ROBO1: variants seen among roughly 807,000 people sequenced by gnomAD.
ROBO1 encodes the protein roundabout homolog 1.
Under a neutral mutation model 195.9 loss-of-function variants are expected in ROBO1, and 149 were observed. The observed-to-expected ratio is 0.76, with a 90% CI of 0.67 to 0.87. The LOEUF (loss-of-function observed/expected upper bound fraction) is 0.87, where lower values mean the gene tolerates loss of function less well. Ranked by LOEUF, ROBO1 falls within the 40% of genes least tolerant of loss-of-function variation. The pLI, the probability that ROBO1 is intolerant of heterozygous loss-of-function variation, is 0.00. For missense variants in ROBO1, 1,933 were observed against 2,068.3 expected, an observed-to-expected ratio of 0.93 and a Z score of 1.27; for synonymous variants, 816 against 733.2, an observed-to-expected ratio of 1.11 and a Z score of -1.82.
chr3:79,234,980 T>C (rs1222269017), intron 2 of ROBO1, among the ~76,000 whole-genome samples: 1 of 152,080 alleles, frequency 6.6e-6, no homozygotes, highest in African/African-American at 2.4e-5. Context: ...AAAATAAAAT[T>C]TGAAATTATT....
intron 2 of ROBO1, among the ~76,000 whole-genome samples, chr3:79,190,635 C>G (rs893838706): frequency 6.6e-6 from 1 of 151,502 alleles, no homozygotes; most frequent in African/African-American, 2.4e-5. Flanking sequence ...TTTCTCTTTC[C>G]TCCCCTGAAG....
intron 4 of ROBO1, among the ~76,000 whole-genome samples, chr3:78,908,787 A>C (rs1050184399): frequency 6.6e-6 from 1 of 151,866 alleles, no homozygotes; most frequent in Non-Finnish European, 1.5e-5. Flanking sequence ...ATTAATCTGT[A>C]CTCTGGAGAT....
intron 2 of ROBO1, among the ~76,000 whole-genome samples, chr3:79,168,758 A>G (rs1271806978): frequency 6.6e-6 from 1 of 152,190 alleles, no homozygotes; most frequent in Non-Finnish European, 1.5e-5. Context: ...CTTAAAATAC[A>G]GGAGTAGATA....
At chr3:78,778,343 C>A (rs759367589) in intron 4 of ROBO1, among the ~76,000 whole-genome samples, 1 of 150,490 alleles carries the variant, frequency 6.6e-6, no homozygotes, top group Non-Finnish European at 1.5e-5. Context: ...ATGATGCTAG[C>A]CTCATAAAAT....
chr3:79,372,870 C>A (rs1428039514), intron 2 of ROBO1, among the ~76,000 whole-genome samples: 1 of 151,666 alleles, frequency 6.6e-6, no homozygotes, highest in Non-Finnish European at 1.5e-5. Flanking sequence ...GGTATATTAG[C>A]ATGTTGTAAA....
chr3:79,501,843 A>C (rs1379640874), intron 2 of ROBO1, among the ~76,000 whole-genome samples: 1 of 152,226 alleles, frequency 6.6e-6, no homozygotes, highest in African/African-American at 2.4e-5. Flanking sequence ...CCACTTATGA[A>C]TAACGGCCAG....
At chr3:79,712,631 G>GCGA (rs1702319964) in intron 1 of ROBO1, among the ~76,000 whole-genome samples, 1 of 152,132 alleles carries the variant, frequency 6.6e-6, no homozygotes, top group Non-Finnish European at 1.5e-5. Flanking sequence ...GATCACTGAT[G>GCGA]CAGGTGCTAC....
intron 1 of ROBO1, among the ~76,000 whole-genome samples, chr3:79,703,153 A>G (rs188082424): frequency 6.6e-6 from 1 of 151,954 alleles, no homozygotes; most frequent in African/African-American, 2.4e-5. Flanking sequence ...TAGCATATGA[A>G]AATGTCTCAA....
At chr3:79,361,383 T>C (rs1162421905) in intron 2 of ROBO1, among the ~76,000 whole-genome samples, 4 of 151,990 alleles carry the variant, frequency 2.6e-5, no homozygotes, top group Non-Finnish European at 5.9e-5. Flanking sequence ...TTGTCATAGG[T>C]AGCAAAAGGA....
At position 79,474,505 on chromosome 3, in the gene ROBO1, A is replaced by T. The variant is rs139361167; in HGVS notation, c.88+115319T>A. 1.4e-3 allele frequency among the ~76,000 whole-genome samples: 206 copies of T among 152,236 alleles called. 1 individual carries two copies. The Middle Eastern group carries it at 0.017, about 13-fold the overall frequency. ...TAGGTGAGGGTTGAATGGAAACATA[A>T]ATGCAAATTTCTCAAAAGAGTACAT... On this transcript the variant is annotated intron_variant, in intron 2 of 30. Transcript: ENST00000464233.
chr3:79,279,629 C>A (rs1387531103), intron 2 of ROBO1, among the ~76,000 whole-genome samples: 1 of 152,136 alleles, frequency 6.6e-6, no homozygotes, highest in Non-Finnish European at 1.5e-5. Flanking sequence ...GAAAGGAAAT[C>A]ATTCTACTGA....
intron 4 of ROBO1, among the ~76,000 whole-genome samples, chr3:78,788,914 G>T (rs551087359): frequency 6.6e-6 from 1 of 152,194 alleles, no homozygotes; most frequent in East Asian, 1.9e-4. Context: ...CACTAAACAA[G>T]TTGGATGATA....
In ROBO1 at chr3:78,714,573, A is replaced by G. The variant is rs752662082; in HGVS notation, c.918-49T>C. 9.0e-6 allele frequency: 14 copies of G among 1,555,222 alleles called. No individual in the cohort carries two copies. The South Asian group carries it at 1.6e-4, about 17-fold the overall frequency. On this transcript the variant is annotated intron_variant, in intron 7 of 30. Transcript: ENST00000464233. ...ACAGTTAAGTGACTTTCTACTTGAA[A>G]GATCTCATTATTATACACACAATGC...
In ROBO1 at chr3:79,716,628, T is replaced by C. The variant is rs1300543990; in HGVS notation, c.-51+51124A>G. 2.6e-5 allele frequency among the ~76,000 whole-genome samples: 4 copies of C among 151,960 alleles called. No individual in the cohort carries two copies. The East Asian group carries it at 7.7e-4, about 29-fold the overall frequency. On this transcript the variant is annotated intron_variant, in intron 1 of 30. Coordinates refer to ENST00000464233, the MANE Select transcript of ROBO1 (RefSeq NM_002941.4). The stretch of plus-strand genomic sequence containing the variant: ...AGAAAAAAAATAATCATTCTGACAA[T>C]GGAAAATGTGAAGATGTAGCAAATA...
intron 2 of ROBO1, among the ~76,000 whole-genome samples, chr3:79,205,800 T>A (rs1001529255): frequency 6.6e-5 from 10 of 152,130 alleles, no homozygotes; most frequent in Non-Finnish European, 1.2e-4. Context: ...GATGTAAAGA[T>A]GGGGTATAGC....
At chr3:78,615,235 G>GT (rs1373378087) in intron 27 of ROBO1, among the ~76,000 whole-genome samples, 3 of 152,132 alleles carry the variant, frequency 2.0e-5, no homozygotes, top group Non-Finnish European at 4.4e-5. Flanking sequence ...AAAATGAACA[G>GT]TACTAATGGC....
chr3:79,621,351 C>T (rs774748656), intron 1 of ROBO1, among the ~76,000 whole-genome samples: 6 of 152,112 alleles, frequency 3.9e-5, no homozygotes, highest in East Asian at 1.9e-4. Context: ...ACTCCTTTTT[C>T]GGACTCAGTC....
intron 3 of ROBO1, among the ~76,000 whole-genome samples, chr3:78,994,546 C>T (rs2077315938): frequency 6.6e-6 from 1 of 152,094 alleles, no homozygotes; most frequent in Non-Finnish European, 1.5e-5. Flanking sequence ...TGAAACACGG[C>T]TTTTAAAAGA....
intron 2 of ROBO1, among the ~76,000 whole-genome samples, chr3:79,588,925 C>T (rs1409263809): frequency 2.0e-5 from 3 of 151,592 alleles, no homozygotes; most frequent in African/African-American, 7.2e-5. Flanking sequence ...AAATTGAAGC[C>T]CCAGGATTTT....
Sources: gnomAD v4.1 joint callset for allele counts (sites outside exome capture counted in the v4.1 genomes callset) on GRCh38, gnomAD v4.1.1 for gene constraint, MANE v1.5 for transcripts, NCBI Gene and HGNC (gene_info 2026-07-23, HGNC 2026-07-21) for gene names.